RNF150: variants seen among roughly 807,000 people sequenced by gnomAD.
RNF150 encodes the protein ring finger protein 150.
A neutral mutation model predicts 39.3 loss-of-function variants in RNF150; 24 were observed. The observed-to-expected ratio is 0.61, with a 90% CI of 0.44 to 0.86. The LOEUF is 0.86. RNF150 is among the 40% of genes least tolerant of loss of function. The pLI is 0.00. For synonymous variants in RNF150, 255 were observed against 227.3 expected, an observed-to-expected ratio of 1.12 and a Z score of -1.10; for missense variants, 502 against 587.8, an observed-to-expected ratio of 0.85 and a Z score of 1.51.
At chr4:140,975,443 T>C (rs574336100) in intron 1 of RNF150, among the ~76,000 whole-genome samples, 70 of 152,236 alleles carry the variant, frequency 4.6e-4, no homozygotes, top group African/African-American at 1.7e-3. Context: ...AAGACTGTAT[T>C]GTATTTTTCA....
chr4:141,134,177 A>G (rs1708732133), upstream of RNF150, among the ~76,000 whole-genome samples: 1 of 152,206 alleles, frequency 6.6e-6, no homozygotes, highest in African/African-American at 2.4e-5. Context: ...CAGCACCAAC[A>G]GGCAAGGGAG....
intron 1 of RNF150, among the ~76,000 whole-genome samples, chr4:141,077,538 A>G (rs1737941516): frequency 6.6e-6 from 1 of 152,248 alleles, no homozygotes; most frequent in Admixed American, 6.5e-5. Flanking sequence ...TGAGATAAAA[A>G]ATAAATGTTA....
chr4:141,044,025 T>A (rs552478441), intron 1 of RNF150, among the ~76,000 whole-genome samples: 1 of 152,272 alleles, frequency 6.6e-6, no homozygotes, highest in African/African-American at 2.4e-5. Context: ...TATAATAGGG[T>A]TGAAGTAAAT....
At chr4:140,917,955 G>A (rs1234595771) in intron 5 of RNF150, among the ~76,000 whole-genome samples, 4 of 151,814 alleles carry the variant, frequency 2.6e-5, no homozygotes, top group Non-Finnish European at 4.4e-5. Context: ...GGTACATAAC[G>A]AAATGAAGGC....
At chr4:141,011,049 C>T (rs909495407) in intron 1 of RNF150, among the ~76,000 whole-genome samples, 1 of 151,730 alleles carries the variant, frequency 6.6e-6, no homozygotes, top group Non-Finnish European at 1.5e-5. Context: ...ATTTATATGA[C>T]CCATTGGCAT....
At position 141,154,105 on chromosome 4, in the gene RNF150, T is replaced by C. The variant is rs575638549; in HGVS notation, c.-6+58689A>G. Among the ~76,000 whole-genome samples, 3 of 152,336 alleles carry C rather than the reference T, an allele frequency of 2.0e-5. No individual in the cohort carries two copies. The East Asian group carries it at 5.8e-4, about 29-fold the overall frequency. ...TATAAGCACTTAGAATAGTTCCAGGTACATAAATGGCACTCAGTAAGACTT... is the reference window on the plus strand; with the variant it reads ...TATAAGCACTTAGAATAGTTCCAGGCACATAAATGGCACTCAGTAAGACTT... On this transcript the variant is annotated intron_variant, in intron 1 of 7. Transcript: ENST00000420921.
intron 1 of RNF150, among the ~76,000 whole-genome samples, chr4:141,145,871 T>A (rs1727192415): frequency 6.6e-6 from 1 of 152,138 alleles, no homozygotes; most frequent in Non-Finnish European, 1.5e-5. Context: ...CTTGTGCAGA[T>A]TTTGAGGAGT....
chr4:140,941,277 G>A (rs1732073077), intron 4 of RNF150, among the ~76,000 whole-genome samples: 1 of 152,090 alleles, frequency 6.6e-6, no homozygotes, highest in African/African-American at 2.4e-5. Flanking sequence ...AATTATCCTG[G>A]TGAGTTCCCA....
chr4:141,130,643 CA>C (rs1726871400), intron 1 of RNF150, among the ~76,000 whole-genome samples: 1 of 152,188 alleles, frequency 6.6e-6, no homozygotes. Flanking sequence ...CATGCATATG[CA>C]CAGAGAAACA....
At chr4:141,061,122 GAAGTTA>G (rs1265041179) in intron 1 of RNF150, among the ~76,000 whole-genome samples, 1 of 151,314 alleles carries the variant, frequency 6.6e-6, no homozygotes, top group African/African-American at 2.4e-5. Context: ...ATCTACCCCA[GAAGTTA>G]AAGTATAATA....
intron 1 of RNF150, among the ~76,000 whole-genome samples, chr4:141,016,921 A>C (rs866991246): frequency 3.3e-5 from 5 of 152,156 alleles, no homozygotes; most frequent in Non-Finnish European, 7.3e-5. Flanking sequence ...TTATCTTGAA[A>C]TGTATCTTCC....
At chr4:141,054,754 T>C (rs1736905708) in intron 1 of RNF150, among the ~76,000 whole-genome samples, 1 of 152,080 alleles carries the variant, frequency 6.6e-6, no homozygotes, top group Admixed American at 6.6e-5. Flanking sequence ...GGCCTATAAA[T>C]CTAATAAACA....
chr4:140,907,600 CAA>C (rs1369961017), intron 6 of RNF150, among the ~76,000 whole-genome samples: 1 of 152,176 alleles, frequency 6.6e-6, no homozygotes, highest in African/African-American at 2.4e-5. Flanking sequence ...AGGAAGTAAA[CAA>C]ATTTTTGATC....
intron 1 of RNF150, among the ~76,000 whole-genome samples, chr4:141,199,069 G>C (rs755532839): frequency 6.6e-6 from 1 of 152,074 alleles, no homozygotes; most frequent in Non-Finnish European, 1.5e-5. Context: ...CAACAGATTT[G>C]AACAGACACT....
intron 2 of RNF150, among the ~76,000 whole-genome samples, chr4:140,966,226 G>A (rs1161498932): frequency 6.6e-6 from 1 of 152,020 alleles, no homozygotes; most frequent in Admixed American, 6.6e-5. Flanking sequence ...TGTAATCCTA[G>A]CTACTTGGGA....
chr4:141,199,565 T>C (rs1472092023), intron 1 of RNF150, among the ~76,000 whole-genome samples: 5 of 152,134 alleles, frequency 3.3e-5, no homozygotes, highest in Admixed American at 1.3e-4. Context: ...GACTCTCAAA[T>C]GCATTTTGCT....
chr4:141,051,164 C>A (rs1310905144), intron 1 of RNF150, among the ~76,000 whole-genome samples: 1 of 152,088 alleles, frequency 6.6e-6, no homozygotes, highest in Non-Finnish European at 1.5e-5. Flanking sequence ...ATGGCTGGAG[C>A]GACTGGGATG....
At chr4:141,180,053 C>T (rs181679616) in intron 1 of RNF150, among the ~76,000 whole-genome samples, 6 of 152,236 alleles carry the variant, frequency 3.9e-5, no homozygotes, top group Admixed American at 2.6e-4. Context: ...GCATTCTTCT[C>T]CAAATAACAG....
chr4:140,926,143 G>T lies in RNF150; in HGVS notation c.891-70C>A, dbSNP rs1222293851. The T allele has an allele frequency of 4.5e-6, 5 of 1,119,380 alleles. No homozygotes were observed. In the African/African-American group the frequency reaches 4.6e-5, roughly 10 times the overall value. The allele number at this position is 1,119,380 out of a possible 1,614,324, so 69.3% of individuals were successfully genotyped here. A position where few individuals can be genotyped will look rare whatever the true frequency, so the allele number is the denominator to read the frequency against. On this transcript the variant is annotated intron_variant, in intron 4 of 6. Coordinates refer to ENST00000515673, the MANE Select transcript of RNF150 (RefSeq NM_020724.2). Reference sequence around the variant, plus strand: ...AATACCTGGTCCACCATGGCCCAGGGACTCGTCCAAGGTCACAAAATTACT... The same window carrying T: ...AATACCTGGTCCACCATGGCCCAGGTACTCGTCCAAGGTCACAAAATTACT...
Sources: allele counts gnomAD v4.1 joint callset (sites outside exome capture counted in the v4.1 genomes callset), GRCh38; gene constraint gnomAD v4.1.1; transcripts MANE v1.5; gene names NCBI Gene and HGNC (gene_info 2026-07-23, HGNC 2026-07-21).